NUP62: variants seen among roughly 807,000 people sequenced by gnomAD.
NUP62 encodes nuclear pore glycoprotein p62.
For missense variants in NUP62, 647 were observed against 689.4 expected, an observed-to-expected ratio of 0.94 and a Z score of 0.69; for synonymous variants, 305 against 303.4, an observed-to-expected ratio of 1.01 and a Z score of -0.05.
At chr19:49,910,597 G>A (rs1019214113) in intron 2 of NUP62, among the ~76,000 whole-genome samples, 2 of 152,086 alleles carry the variant, frequency 1.3e-5, no homozygotes, top group Non-Finnish European at 2.9e-5. Flanking sequence ...GAAGGCAGCT[G>A]CCTCCTTCAC....
intron 2 of NUP62, chr19:49,918,729 T>G (rs936776312): frequency 6.6e-6 from 1 of 152,146 alleles, no homozygotes; most frequent in Non-Finnish European, 1.5e-5. Flanking sequence ...CACTGGAACT[T>G]TTACTGCATG....
intron 2 of NUP62, among the ~76,000 whole-genome samples, chr19:49,920,903 G>C (rs766578120): frequency 3.9e-5 from 6 of 152,152 alleles, no homozygotes; most frequent in Non-Finnish European, 8.8e-5. Flanking sequence ...CAGCTTCCCC[G>C]GGGAGAGGCA....
rs762041538 is a variant in NUP62, at chr19:49,908,326, C to T, written c.1482G>A (p.Leu494=). The T allele has an allele frequency of 6.2e-7, 1 of 1,614,154 alleles. No homozygotes were observed. ...SLQWIDQNSA[L]LQRKVEEVTK... ...TCACCTCCTCCACCTTCCTCTGCAG[C>T]AGGGCCGAGTTCTGGTCGATCCACT... Residue 494 remains leucine (L), a synonymous_variant, in exon 3 of 3, where the codon CTG becomes CTA. Coordinates refer to ENST00000352066, the MANE Select transcript of NUP62 (RefSeq NM_016553.5).
intron 2 of NUP62, among the ~76,000 whole-genome samples, chr19:49,918,072 CTT>C (rs2075670080): frequency 6.7e-6 from 1 of 149,326 alleles, no homozygotes; most frequent in Admixed American, 6.7e-5. Context: ...GTCTGCTTTC[CTT>C]TTTCTTTTTT....
rs544327221 is a variant in NUP62, at chr19:49,913,822, G to T, written c.-77-3938C>A. ...ACGTGACAGGCGGGAGAATCTGGCA[G>T]ACCCATACATACCATGCTAACGGTT... On this transcript the variant is annotated intron_variant, in intron 2 of 2. Coordinates refer to ENST00000352066, the MANE Select transcript of NUP62 (RefSeq NM_016553.5). Among the ~76,000 whole-genome samples the T allele has an allele frequency of 5.3e-5, 8 of 152,302 alleles. 1 individual carries two copies. In the South Asian group the frequency reaches 1.7e-3, roughly 32 times the overall value.
chr19:49,923,967 G>A (rs1289745248), intron 2 of NUP62, among the ~76,000 whole-genome samples: 1 of 152,238 alleles, frequency 6.6e-6, no homozygotes, highest in East Asian at 1.9e-4. Context: ...GCAAAACTCG[G>A]AGCCTTTTCC....
rs948372084 is a variant in NUP62, at chr19:49,907,931, C to T, written c.*308G>A. The T allele has an allele frequency of 1.4e-5, 7 of 497,974 alleles. No homozygotes were observed. The highest frequency in any genetic ancestry group is 2.5e-5 in the Non-Finnish European group (7 of 277,736). The allele number at this position is 497,974 out of a possible 1,614,324, so 30.8% of individuals were successfully genotyped here. ...CCACGACCCTGGCTGGGACCAAGAC[C>T]ATCAGCACTTCTCCATCACCAGGCT... On this transcript the variant is annotated 3_prime_UTR_variant, in exon 3 of 3. Transcript: ENST00000352066.
intron 2 of NUP62, among the ~76,000 whole-genome samples, chr19:49,919,784 G>A (rs546103733): frequency 1.5e-5 from 2 of 131,874 alleles, no homozygotes; most frequent in Non-Finnish European, 3.2e-5. Flanking sequence ...GAAGATTCTA[G>A]AACCACCGCT....
At chr19:49,923,204 C>A (rs1351340338) in intron 2 of NUP62, among the ~76,000 whole-genome samples, 1 of 152,200 alleles carries the variant, frequency 6.6e-6, no homozygotes, top group Admixed American at 6.5e-5. Context: ...CCGCGTCATC[C>A]TCTCCCCAAC....
chr19:49,918,397 G>C (rs562964301), intron 2 of NUP62: 1 of 152,170 alleles, frequency 6.6e-6, no homozygotes, highest in Non-Finnish European at 1.5e-5. Flanking sequence ...TCTGTGACAT[G>C]GAAGAGCTCC....
intron 2 of NUP62, among the ~76,000 whole-genome samples, chr19:49,922,652 G>C (rs1003459612): frequency 1.2e-4 from 18 of 151,990 alleles, no homozygotes; most frequent in African/African-American, 4.3e-4. Context: ...CTGGTGGTTT[G>C]CTGGGGTTTT....
intron 2 of NUP62, among the ~76,000 whole-genome samples, chr19:49,927,373 T>C (rs1252474788): frequency 1.3e-5 from 2 of 152,092 alleles, no homozygotes; most frequent in African/African-American, 2.4e-5. Flanking sequence ...ACATACACTA[T>C]TGATAGCTGA....
Position 49,907,537 on chromosome 19 carries a change from C to CTTTTTTT in NUP62, c.*695_*701dup, listed in dbSNP as rs4009637. On this transcript the variant is annotated 3_prime_UTR_variant, in exon 3 of 3. Transcript: ENST00000352066. ...CTAGGCTGCTGTCTCCTGGGAGTTT[C>CTTTTTTT]TTTTTTTTTTTTTTTTTTTTTGAGA... The CTTTTTTT allele has an allele frequency of 2.7e-5, 9 of 332,844 alleles. No individual in the cohort carries two copies. Among genetic ancestry groups the CTTTTTTT allele is most frequent in the Admixed American group, 4.1e-5 (1 of 24,348 alleles). The allele number at this position is 332,844 out of a possible 1,614,324, so 20.6% of individuals were successfully genotyped here. A position where few individuals can be genotyped will look rare whatever the true frequency, so the allele number is the denominator to read the frequency against.
Position 49,908,058 on chromosome 19 carries a change from A to G in NUP62, c.*181T>C. 2 of 1,313,580 alleles carry G rather than the reference A, an allele frequency of 1.5e-6. No homozygotes were observed. Among genetic ancestry groups the G allele is most frequent in the Middle Eastern group, 2.7e-4 (1 of 3,664 alleles). 81.4% of individuals were successfully genotyped at this position (1,313,580 alleles called of 1,614,324 possible). ...CCCATGAGGCTGCTGCCTGGGCAGAAGGCCCAGAATACCCTCCTAAATGGA... is the reference window on the plus strand; with the variant it reads ...CCCATGAGGCTGCTGCCTGGGCAGAGGGCCCAGAATACCCTCCTAAATGGA... On this transcript the variant is annotated 3_prime_UTR_variant, in exon 3 of 3. Transcript: ENST00000352066.
intron 2 of NUP62, among the ~76,000 whole-genome samples, chr19:49,914,733 T>TC (rs1600523258): frequency 9.7e-6 from 1 of 102,952 alleles, no homozygotes; most frequent in East Asian, 2.5e-4. Context: ...CCAGTTTTTT[T>TC]TTTTTTTTTT....
In NUP62 at chr19:49,920,836, CG is replaced by C. The variant is rs529610760; in HGVS notation, c.-78+6857del. 1.9e-4 allele frequency among the ~76,000 whole-genome samples: 29 copies of C among 152,232 alleles called. No homozygotes were observed. In the South Asian group the frequency reaches 2.7e-3, roughly 14 times the overall value. ...GAGAGCAGCGGACAGGCGTGTGTGG[CG>C]GGGGAGGAACGGCGCACACCTGTGC... On this transcript the variant is annotated intron_variant, in intron 2 of 2. Transcript: ENST00000352066.
intron 2 of NUP62, among the ~76,000 whole-genome samples, chr19:49,920,870 G>A (rs1054545486): frequency 6.6e-6 from 1 of 152,178 alleles, no homozygotes; most frequent in South Asian, 2.1e-4. Context: ...TGCCCCATCC[G>A]CAGCCCCTCT....
At chr19:49,924,276 A>G (rs1000892118) in intron 2 of NUP62, among the ~76,000 whole-genome samples, 6 of 152,046 alleles carry the variant, frequency 3.9e-5, no homozygotes, top group Admixed American at 3.9e-4. Context: ...AGCCTCTGTG[A>G]TCTGAGGCCC....
At chr19:49,925,057 T>G (rs975284753) in intron 2 of NUP62, among the ~76,000 whole-genome samples, 1 of 151,486 alleles carries the variant, frequency 6.6e-6, no homozygotes, top group Non-Finnish European at 1.5e-5. Context: ...AGTTCGGGAG[T>G]TCGAGACCAG....
Sources: allele counts gnomAD v4.1 joint callset (sites outside exome capture counted in the v4.1 genomes callset), GRCh38; gene constraint gnomAD v4.1.1; transcripts MANE v1.5; gene names NCBI Gene and HGNC (gene_info 2026-07-23, HGNC 2026-07-21).